Variants in TMEM74 observed in about 807,000 individuals in gnomAD.
TMEM74 encodes transmembrane protein 74.
Under a neutral mutation model 18.1 loss-of-function variants are expected in TMEM74, and 13 were observed. The ratio of observed to expected loss-of-function variants is 0.72; its 90% CI spans 0.47 to 1.14. The LOEUF (loss-of-function observed/expected upper bound fraction) is 1.14, where lower values mean the gene tolerates loss of function less well. Among genes scored for constraint, TMEM74 ranks in the 50% most tolerant of loss-of-function variants. The pLI, the probability that TMEM74 is intolerant of heterozygous loss-of-function variation, is 0.00. For missense variants in TMEM74, 372 were observed against 375.9 expected (o/e 0.99, Z 0.09); for synonymous variants, 159 against 146.6 (o/e 1.08, Z -0.61).
intron 1 of TMEM74, among the ~76,000 whole-genome samples, chr8:108,676,310 T>A (rs1387464154): frequency 6.6e-6 from 1 of 152,164 alleles, no homozygotes; most frequent in East Asian, 1.9e-4. Flanking sequence ...ATCCCTCCAA[T>A]GGGACCCTAC....
rs140414495 is a variant in TMEM74 at position 108,636,227 on chromosome 8, C to T, written n.264+19066G>A. ...TCTTCCATCTTATTCTTTAAGCCTC[C>T]CATCAGTATAAGGAATTAGTGGGAG... On this transcript the variant is annotated intron_variant and non_coding_transcript_variant, in intron 2 of 3. Transcript: ENST00000518838. Among the ~76,000 whole-genome samples the T allele has an allele frequency of 1.9e-3, 288 of 152,030 alleles. 1 individual carries two copies. The highest frequency in any genetic ancestry group is 6.3e-3 in the African/African-American group (262 of 41,494).
intron 1 of TMEM74, among the ~76,000 whole-genome samples, chr8:108,656,059 C>A (rs377739191): frequency 6.6e-6 from 1 of 152,126 alleles, no homozygotes; most frequent in African/African-American, 2.4e-5. Flanking sequence ...GCTCTTATTC[C>A]TCACTCCTCT....
intron 1 of TMEM74, among the ~76,000 whole-genome samples, chr8:108,656,160 G>C (rs1812819424): frequency 6.6e-6 from 1 of 152,190 alleles, no homozygotes; most frequent in Admixed American, 6.5e-5. Flanking sequence ...TTTCGAAGGA[G>C]AATCTGGCAA....
intron 1 of TMEM74, among the ~76,000 whole-genome samples, chr8:108,693,865 C>T (rs1813253825): frequency 6.6e-6 from 1 of 152,206 alleles, no homozygotes; most frequent in South Asian, 2.1e-4. Context: ...CTGGAAATGT[C>T]TACTTTAATG....
chr8:108,637,039 A>G (rs1812613762), intron 2 of TMEM74, among the ~76,000 whole-genome samples: 1 of 152,044 alleles, frequency 6.6e-6, no homozygotes, highest in African/African-American at 2.4e-5. Flanking sequence ...TAAAATATAG[A>G]TAGGATTAGG....
At chr8:108,627,133 G>A (rs1497639) in intron 2 of TMEM74, among the ~76,000 whole-genome samples, 72,565 of 151,840 alleles carry the variant, frequency 0.48, 18,697 homozygotes, top group East Asian at 0.71. Context: ...TTCTTTCTCC[G>A]TTATTACTTG....
At chr8:108,715,122 A>G (rs1375168163) in intron 1 of TMEM74, among the ~76,000 whole-genome samples, 1 of 152,088 alleles carries the variant, frequency 6.6e-6, no homozygotes, top group East Asian at 1.9e-4. Context: ...CCTGCTTTTT[A>G]ATTTTCTTTT....
In TMEM74 at chr8:108,739,850, C is replaced by T. The variant is rs1422655122; in HGVS notation, n.119+47626G>A. On this transcript the variant is annotated intron_variant and non_coding_transcript_variant, in intron 1 of 3. Coordinates refer to the TMEM74 transcript ENST00000518838. Reference sequence around the variant, plus strand: ...CAGACCCAACACCAGGTCATGGGGGCAACGAAGTCCGGCGGAGTCAAAGGA... The same window carrying T: ...CAGACCCAACACCAGGTCATGGGGGTAACGAAGTCCGGCGGAGTCAAAGGA... 2.0e-5 allele frequency among the ~76,000 whole-genome samples: 3 copies of T among 151,936 alleles called. No homozygotes were observed. In the East Asian group the frequency reaches 5.8e-4, roughly 29 times the overall value.
In TMEM74 at chr8:108,626,165, T is replaced by A. The variant is rs369429806; in HGVS notation, n.265-17339A>T. Among the ~76,000 whole-genome samples the A allele has an allele frequency of 1.1e-4, 16 of 152,216 alleles. No homozygotes were observed. The East Asian group carries it at 2.5e-3, about 24-fold the overall frequency. ...ACTATTCTATTGTTTGTATTACAAC[T>A]ATTTTCTACATTATTTACATTATTA... On this transcript the variant is annotated intron_variant and non_coding_transcript_variant, in intron 2 of 3. Transcript: ENST00000518838.
intron 1 of TMEM74, among the ~76,000 whole-genome samples, chr8:108,735,691 T>C (rs1813741721): frequency 6.6e-6 from 1 of 152,198 alleles, no homozygotes; most frequent in South Asian, 2.1e-4. Context: ...AGTTTGTATG[T>C]GGACATAGGC....
intron 1 of TMEM74, among the ~76,000 whole-genome samples, chr8:108,661,242 C>T (rs1387359095): frequency 6.6e-6 from 1 of 152,004 alleles, no homozygotes. Flanking sequence ...TACAAATGAT[C>T]TTTTTAAATT....
At chr8:108,632,233 GA>G (rs1427680547) in intron 2 of TMEM74, among the ~76,000 whole-genome samples, 1 of 151,868 alleles carries the variant, frequency 6.6e-6, no homozygotes, top group Non-Finnish European at 1.5e-5. Context: ...TAGGGGAAAG[GA>G]AAAAGGATGG....
At chr8:108,612,991 C>T (rs1241653347) in intron 2 of TMEM74, among the ~76,000 whole-genome samples, 6 of 152,016 alleles carry the variant, frequency 3.9e-5, no homozygotes, top group Non-Finnish European at 8.8e-5. Context: ...TGCTACCCAG[C>T]CATTGAAAAA....
At chr8:108,739,853 C>A (rs577545513) in intron 1 of TMEM74, among the ~76,000 whole-genome samples, 1 of 151,914 alleles carries the variant, frequency 6.6e-6, no homozygotes, top group Non-Finnish European at 1.5e-5. Context: ...ATGGGGGCAA[C>A]GAAGTCCGGC....
chr8:108,681,410 A>C lies in TMEM74; in HGVS notation n.120-25973T>G, dbSNP rs549799112. On this transcript the variant is annotated intron_variant and non_coding_transcript_variant, in intron 1 of 3. Coordinates refer to the TMEM74 transcript ENST00000518838. Reference sequence around the variant, plus strand: ...TTGACAAACCTGACAAAAACAAGCAATGGGGAAAGGATTCCCTATTTAATA... The same window carrying C: ...TTGACAAACCTGACAAAAACAAGCACTGGGGAAAGGATTCCCTATTTAATA... 1.5e-3 allele frequency among the ~76,000 whole-genome samples: 227 copies of C among 152,326 alleles called. 1 individual carries two copies. Among genetic ancestry groups the C allele is most frequent in the African/African-American group, 5.1e-3 (213 of 41,564 alleles).
intron 1 of TMEM74, among the ~76,000 whole-genome samples, chr8:108,681,562 A>T (rs186911573): frequency 6.6e-6 from 1 of 152,218 alleles, no homozygotes; most frequent in African/African-American, 2.4e-5. Context: ...CACAATTACT[A>T]TTAGCTCCTC....
intron 1 of TMEM74, among the ~76,000 whole-genome samples, chr8:108,772,620 G>A (rs1236282067): frequency 6.6e-6 from 1 of 152,138 alleles, no homozygotes; most frequent in African/African-American, 2.4e-5. Flanking sequence ...CTTGGTGGAG[G>A]GAAGGGCAAA....
intron 2 of TMEM74, among the ~76,000 whole-genome samples, chr8:108,627,619 C>T (rs1485629274): frequency 6.6e-6 from 1 of 152,006 alleles, no homozygotes; most frequent in Non-Finnish European, 1.5e-5. Context: ...ACTTCTCATA[C>T]TCAAAGGGGA....
At chr8:108,652,353 A>G (rs1421189736) in intron 2 of TMEM74, 2 of 194,728 alleles carry the variant, frequency 1.0e-5, no homozygotes, top group African/African-American at 4.7e-5. Flanking sequence ...AAAGTGCATG[A>G]TGGGATAAGT....
Sources: allele counts gnomAD v4.1 joint callset (sites outside exome capture counted in the v4.1 genomes callset), GRCh38; gene constraint gnomAD v4.1.1; transcripts MANE v1.5; gene names NCBI Gene and HGNC (gene_info 2026-07-23, HGNC 2026-07-21).